The following CNBD1 variants were observed in gnomAD, a reference collection of about 807,000 sequenced individuals.
CNBD1 encodes cyclic nucleotide-binding domain-containing protein 1.
Under a neutral mutation model 54.4 loss-of-function variants are expected in CNBD1, and 71 were observed. The observed-to-expected ratio is 1.30, with a 90% CI of 1.08 to 1.59. The LOEUF (loss-of-function observed/expected upper bound fraction) is 1.59, where lower values mean the gene tolerates loss of function less well. Ranked by LOEUF, CNBD1 falls within the 40% of genes most tolerant of loss-of-function variation. The pLI, the probability that CNBD1 is intolerant of heterozygous loss-of-function variation, is 0.00. For synonymous variants in CNBD1, 182 were observed against 170.7 expected (o/e 1.07, Z -0.51); for missense variants, 659 against 518.0 (o/e 1.27, Z -2.64).
chr8:87,178,968 C>A (rs768213314), intron 4 of CNBD1, among the ~76,000 whole-genome samples: 1 of 152,142 alleles, frequency 6.6e-6, no homozygotes, highest in Non-Finnish European at 1.5e-5. Flanking sequence ...AGTGCAATGA[C>A]GTGATCTCGG....
chr8:87,012,024 A>G (rs1334223448), intron 4 of CNBD1, among the ~76,000 whole-genome samples: 1 of 152,188 alleles, frequency 6.6e-6, no homozygotes, highest in Non-Finnish European at 1.5e-5. Flanking sequence ...TATAAATAAA[A>G]TGATGAAGGT....
At chr8:87,115,150 A>G (rs1811742843) in intron 4 of CNBD1, among the ~76,000 whole-genome samples, 1 of 152,210 alleles carries the variant, frequency 6.6e-6, no homozygotes, top group Non-Finnish European at 1.5e-5. Flanking sequence ...ATAGATGGAG[A>G]TAGAAACTGA....
At chr8:87,076,927 TA>T (rs1278737480) in intron 4 of CNBD1, among the ~76,000 whole-genome samples, 48 of 152,354 alleles carry the variant, frequency 3.2e-4, no homozygotes, top group Admixed American at 2.1e-3. Context: ...TTGCACATGA[TA>T]TAAATGAGGA....
intron 2 of CNBD1, among the ~76,000 whole-genome samples, chr8:87,398,793 A>G (rs1811451581): frequency 6.6e-6 from 1 of 151,996 alleles, no homozygotes; most frequent in African/African-American, 2.4e-5. Flanking sequence ...TCTACATGCC[A>G]TTTTTAAAGT....
Position 86,894,035 on chromosome 8 carries a change from A to ATTTTTTTTTT in CNBD1, c.158+6452_158+6461dup, listed in dbSNP as rs869060076. On this transcript the variant is annotated intron_variant, in intron 2 of 10. Transcript: ENST00000518476. ...TTTATTCATATATTTTAATAGATTA[A>ATTTTTTTTTT]TTTTTTTTTTTTTTTTTTTTTTTTT... Among the ~76,000 whole-genome samples, 41 of 52,368 alleles carry ATTTTTTTTTT rather than the reference A, an allele frequency of 7.8e-4. 6 individuals carry two copies. The highest frequency in any genetic ancestry group is 3.3e-3 in the South Asian group (3 of 896). 34.4% of individuals were successfully genotyped at this position (52,368 alleles called of 152,430 possible).
At chr8:87,075,569 A>T (rs1810851202) in intron 4 of CNBD1, among the ~76,000 whole-genome samples, 1 of 152,078 alleles carries the variant, frequency 6.6e-6, no homozygotes, top group South Asian at 2.1e-4. Flanking sequence ...AGACATTGTT[A>T]AATTTCTTCC....
chr8:87,069,932 C>G (rs1586235071), intron 4 of CNBD1, among the ~76,000 whole-genome samples: 2 of 152,062 alleles, frequency 1.3e-5, no homozygotes, highest in East Asian at 3.9e-4. Context: ...TACCCAAATC[C>G]TACCCCAAAT....
At chr8:86,934,547 C>G (rs1809511633) in intron 3 of CNBD1, among the ~76,000 whole-genome samples, 2 of 152,162 alleles carry the variant, frequency 1.3e-5, no homozygotes, top group Admixed American at 1.3e-4. Context: ...AAAGCAATAT[C>G]CATGACGTTT....
chr8:87,024,118 A>T lies in CNBD1; in HGVS notation c.431+84364A>T, dbSNP rs377390895. On this transcript the variant is annotated intron_variant, in intron 4 of 10. Coordinates refer to ENST00000518476, the MANE Select transcript of CNBD1 (RefSeq NM_173538.3). ...GCCTGACCTGGTGGCAGGCACCTGTAATCTCAGATACTTGGGAGGCTGAGG... is the reference window on the plus strand; with the variant it reads ...GCCTGACCTGGTGGCAGGCACCTGTTATCTCAGATACTTGGGAGGCTGAGG... Among the ~76,000 whole-genome samples, 14 of 151,246 alleles carry T rather than the reference A, an allele frequency of 9.3e-5. No homozygotes were observed. The East Asian group carries it at 2.6e-3, about 28-fold the overall frequency.
intron 4 of CNBD1, among the ~76,000 whole-genome samples, chr8:87,180,970 C>T (rs1355766109): frequency 6.6e-6 from 1 of 152,162 alleles, no homozygotes; most frequent in Non-Finnish European, 1.5e-5. Context: ...GCTGCAGCTG[C>T]CTCTCCTAAT....
intron 4 of CNBD1, among the ~76,000 whole-genome samples, chr8:87,025,867 A>G (rs1809633067): frequency 2.0e-5 from 3 of 152,186 alleles, no homozygotes; most frequent in Non-Finnish European, 4.4e-5. Context: ...AGCGAGACCA[A>G]GAACCCACCG....
chr8:87,371,617 C>A (rs547947925), intron 10 of CNBD1, among the ~76,000 whole-genome samples: 81 of 152,088 alleles, frequency 5.3e-4, no homozygotes, highest in African/African-American at 1.8e-3. Context: ...AATCCAGCAG[C>A]ACATCAAAAA....
chr8:87,009,957 C>T (rs1809180801), intron 4 of CNBD1, among the ~76,000 whole-genome samples: 1 of 152,146 alleles, frequency 6.6e-6, no homozygotes, highest in Non-Finnish European at 1.5e-5. Context: ...CCTCATCCTT[C>T]TTTTGTCTTC....
intron 10 of CNBD1, among the ~76,000 whole-genome samples, chr8:87,367,075 T>C (rs1034184111): frequency 2.5e-4 from 38 of 152,032 alleles, no homozygotes; most frequent in African/African-American, 9.2e-4. Context: ...CCTCTCTCAC[T>C]AATATACCAT....
chr8:87,238,437 T>G lies in CNBD1; in HGVS notation c.771+1325T>G, dbSNP rs530883435. Among the ~76,000 whole-genome samples the G allele has an allele frequency of 3.3e-5, 5 of 152,238 alleles. No individual in the cohort carries two copies. The East Asian group carries it at 9.7e-4, about 29-fold the overall frequency. The stretch of plus-strand genomic sequence containing the variant: ...AGACCCAAACCAAAACTTTACTTTT[T>G]AGGAATTCTGCCTGTTTATTCTCTG... On this transcript the variant is annotated intron_variant, in intron 6 of 10. Coordinates refer to ENST00000518476, the MANE Select transcript of CNBD1 (RefSeq NM_173538.3).
intron 10 of CNBD1, among the ~76,000 whole-genome samples, chr8:87,378,629 C>CCA (rs1240189988): frequency 6.7e-6 from 1 of 148,238 alleles, no homozygotes; most frequent in African/African-American, 2.5e-5. Context: ...ATTGACTTGG[C>CCA]TCTGCAGGCT....
At chr8:87,342,751 G>A (rs1313096667) in intron 8 of CNBD1, among the ~76,000 whole-genome samples, 1 of 152,152 alleles carries the variant, frequency 6.6e-6, no homozygotes, top group Non-Finnish European at 1.5e-5. Flanking sequence ...CACACGAACA[G>A]GGAGTAGGTC....
chr8:87,266,318 A>T (rs902673964), intron 6 of CNBD1, among the ~76,000 whole-genome samples: 2 of 151,248 alleles, frequency 1.3e-5, no homozygotes, highest in South Asian at 4.2e-4. Context: ...TTTTCCTATT[A>T]GGTATAAAAA....
At chr8:87,255,441 G>GT (rs987496046) in intron 6 of CNBD1, among the ~76,000 whole-genome samples, 13 of 151,960 alleles carry the variant, frequency 8.6e-5, no homozygotes, top group Admixed American at 8.5e-4. Context: ...AATGATTATA[G>GT]TTTTTTGAGA....
Sources: allele counts gnomAD v4.1 joint callset (sites outside exome capture counted in the v4.1 genomes callset), GRCh38; gene constraint gnomAD v4.1.1; transcripts MANE v1.5; gene names NCBI Gene and HGNC (gene_info 2026-07-23, HGNC 2026-07-21).